SCN3B: variants seen among roughly 807,000 people sequenced by gnomAD.
The protein encoded by SCN3B is sodium voltage-gated channel beta subunit 3.
SCN3B carries 11 observed loss-of-function variants against 25.4 expected under a neutral mutation model. The ratio of observed to expected loss-of-function variants is 0.43; its 90% CI spans 0.27 to 0.72. The LOEUF is 0.72. Ranked by LOEUF, SCN3B falls within the 30% of genes least tolerant of loss-of-function variation. The pLI is 0.18. For synonymous variants in SCN3B, 109 were observed against 110.7 expected, an observed-to-expected ratio of 0.99 and a Z score of 0.09; for missense variants, 218 against 278.3, an observed-to-expected ratio of 0.78 and a Z score of 1.54.
chr11:123,634,879 T>G (rs1955708727), intron 5 of SCN3B, among the ~76,000 whole-genome samples: 1 of 152,262 alleles, frequency 6.6e-6, no homozygotes, highest in African/African-American at 2.4e-5. Flanking sequence ...TTCTCATTGA[T>G]TTTCCTTTGA....
chr11:123,648,338 A>C (rs1184826747), intron 2 of SCN3B, among the ~76,000 whole-genome samples: 1 of 152,256 alleles, frequency 6.6e-6, no homozygotes, highest in African/African-American at 2.4e-5. Flanking sequence ...GCTGAAAGTT[A>C]CATCTGTCTA....
At chr11:123,647,947 A>G (rs1955872728) in intron 2 of SCN3B, among the ~76,000 whole-genome samples, 1 of 152,240 alleles carries the variant, frequency 6.6e-6, no homozygotes, top group South Asian at 2.1e-4. Flanking sequence ...GAGCCACGTT[A>G]ATGGAGAGAG....
At chr11:123,635,676 ACT>A (rs1395920223) in intron 5 of SCN3B, among the ~76,000 whole-genome samples, 1 of 150,546 alleles carries the variant, frequency 6.6e-6, no homozygotes, top group Non-Finnish European at 1.5e-5. Context: ...ACAGAGCGAG[ACT>A]CTGTCTCAAA....
chr11:123,654,150 A>G (rs865987777), intron 1 of SCN3B, 76 bp downstream of exon 1: 2 of 431,498 alleles, frequency 4.6e-6, no homozygotes, highest in South Asian at 2.2e-5. Flanking sequence ...GTTTGCGCCC[A>G]GGGTAAGCTC....
intron 2 of SCN3B, among the ~76,000 whole-genome samples, chr11:123,652,422 T>G (rs1438215790): frequency 6.6e-6 from 1 of 152,230 alleles, no homozygotes; most frequent in Non-Finnish European, 1.5e-5. Flanking sequence ...ACAGGAAGCT[T>G]GGCTCTGCCT....
chr11:123,638,535 G>A, intron 4 of SCN3B: 1 of 618,988 alleles, frequency 1.6e-6, no homozygotes, highest in Non-Finnish European at 2.8e-6. Context: ...GGAGTGGGAT[G>A]CCTGGAAGAA....
intron 6 of SCN3B, 134 bp from the exon 7 acceptor site, chr11:123,633,910 G>C (rs901053966): frequency 5.9e-6 from 3 of 509,286 alleles, no homozygotes; most frequent in Non-Finnish European, 1.1e-5. Context: ...AGATTGCCTC[G>C]ACACTCAGGT....
chr11:123,653,530 A>G (rs1363193745), intron 2 of SCN3B, among the ~76,000 whole-genome samples: 10 of 152,074 alleles, frequency 6.6e-5, no homozygotes, highest in Non-Finnish European at 5.9e-5. Flanking sequence ...GAACCACCAA[A>G]GGAGGTTGGA....
intron 3 of SCN3B, among the ~76,000 whole-genome samples, 182 bp downstream of exon 3, chr11:123,645,405 G>C (rs1955843092): frequency 6.6e-6 from 1 of 152,240 alleles, no homozygotes; most frequent in African/African-American, 2.4e-5. Flanking sequence ...CTGGCCCAGT[G>C]CCCTTTCTCT....
At position 123,642,732 on chromosome 11, in the gene SCN3B, C is replaced by T. The variant is rs890414796; in HGVS notation, c.220-61G>A. ...AAAGGAGATGGCAGTGGGGGGAAGC[C>T]GAGTTAGGGACAGGGCAGAGAAAAG... On this transcript the variant is annotated intron_variant, in intron 3 of 6. Transcript: ENST00000299333. This position sits in a 1 kb window ranked among gnomAD's most constrained non-coding sequence, Gnocchi z 4.3. 2.5e-5 allele frequency: 32 copies of T among 1,291,858 alleles called. No homozygotes were observed. Among genetic ancestry groups the T allele is most frequent in the South Asian group, 3.6e-5 (3 of 83,438 alleles). The allele number at this position is 1,291,858 out of a possible 1,614,324, so 80.0% of individuals were successfully genotyped here.
At chr11:123,638,733 A>G in intron 4 of SCN3B, 1 of 291,598 alleles carries the variant, frequency 3.4e-6, no homozygotes, top group South Asian at 3.6e-5. Flanking sequence ...GTATTTCAGA[A>G]CATCTTGTGA....
At chr11:123,641,738 C>T (rs1312175780) in intron 4 of SCN3B, among the ~76,000 whole-genome samples, 1 of 152,176 alleles carries the variant, frequency 6.6e-6, no homozygotes, top group East Asian at 1.9e-4. Context: ...GAGCTATCAA[C>T]CTGTCCCCTT....
chr11:123,653,979 G>A (rs1178948093), intron 1 of SCN3B, 153 bp from the exon 2 acceptor site: 5 of 702,642 alleles, frequency 7.1e-6, no homozygotes, highest in Non-Finnish European at 1.2e-5. Flanking sequence ...TTTTGGAGCC[G>A]GGTGGGGGCT....
chr11:123,648,792 A>T (rs559253739), intron 2 of SCN3B, among the ~76,000 whole-genome samples: 1 of 152,384 alleles, frequency 6.6e-6, no homozygotes, highest in East Asian at 1.9e-4. Context: ...GTCATGCTCA[A>T]CAGACAGCAA....
intron 1 of SCN3B, 60 bp from the exon 2 acceptor site, chr11:123,653,886 C>T (rs886047902): frequency 6.6e-7 from 1 of 1,506,210 alleles, no homozygotes; most frequent in Non-Finnish European, 9.2e-7. Flanking sequence ...TCGAGGAAAC[C>T]CTTTGGGACG....
Position 123,642,049 on chromosome 11 carries a change from T to C in SCN3B, c.445+397A>G, listed in dbSNP as rs1275086. ...CTTAGAGGCATGTATTGCTTACAGG[T>C]AGAAGGAGAGATGACTTCCGGGTAA... On this transcript the variant is annotated intron_variant, in intron 4 of 6. Coordinates refer to ENST00000299333, the MANE Select transcript of SCN3B (RefSeq NM_001040151.2). The surrounding 1 kb of genome is among the most constrained non-coding windows in gnomAD (Gnocchi z 4.3). Among the ~76,000 whole-genome samples, 59,337 of 151,602 alleles carry C rather than the reference T, an allele frequency of 0.39. 12,545 individuals are homozygous for C. The highest frequency in any genetic ancestry group is 0.54 in the African/African-American group (22,208 of 41,142).
chr11:123,647,335 T>C (rs1023047829), intron 2 of SCN3B, among the ~76,000 whole-genome samples: 1 of 151,906 alleles, frequency 6.6e-6, no homozygotes, highest in Non-Finnish European at 1.5e-5. Flanking sequence ...AAAATAAAAA[T>C]TAGCCAAACA....
At chr11:123,644,506 T>G (rs971445095) in intron 3 of SCN3B, among the ~76,000 whole-genome samples, 11 of 152,076 alleles carry the variant, frequency 7.2e-5, no homozygotes, top group Non-Finnish European at 1.3e-4. Flanking sequence ...GCACGGTGGC[T>G]CACACCTGGA....
At chr11:123,643,296 G>A (rs879872564) in intron 3 of SCN3B, among the ~76,000 whole-genome samples, 13 of 152,182 alleles carry the variant, frequency 8.5e-5, no homozygotes, top group Admixed American at 3.3e-4. Flanking sequence ...AGAGGCACAC[G>A]TCACATCTTT....
Sources: allele counts gnomAD v4.1 joint callset (sites outside exome capture counted in the v4.1 genomes callset), GRCh38; gene constraint gnomAD v4.1.1; non-coding constraint Gnocchi (gnomAD v3.1); transcripts MANE v1.5; gene names NCBI Gene and HGNC (gene_info 2026-07-23, HGNC 2026-07-21).